NCK1: variants seen among roughly 807,000 people sequenced by gnomAD.
NCK1 encodes SH2/SH3 adapter protein NCK1.
A neutral mutation model predicts 36.6 loss-of-function variants in NCK1; 19 were observed. The ratio of observed to expected loss-of-function variants is 0.52; its 90% CI spans 0.36 to 0.76. NCK1 has a LOEUF of 0.76. Among genes scored for constraint, NCK1 ranks in the 30% least tolerant of loss-of-function variants. NCK1 has a pLI of 0.00. For synonymous variants in NCK1, 165 were observed against 156.0 expected, an observed-to-expected ratio of 1.06 and a Z score of -0.43; for missense variants, 358 against 445.6, an observed-to-expected ratio of 0.80 and a Z score of 1.77.
At chr3:136,905,075 C>T (rs7433160) in intron 1 of NCK1, among the ~76,000 whole-genome samples, 1,900 of 150,020 alleles carry the variant, frequency 0.013, 24 homozygotes, top group Middle Eastern at 0.024. Flanking sequence ...TGCTATGGCA[C>T]GATCTCAGCT....
intron 1 of NCK1, among the ~76,000 whole-genome samples, chr3:136,924,710 T>C (rs1018672287): frequency 1.2e-4 from 18 of 152,240 alleles, no homozygotes; most frequent in Admixed American, 5.9e-4. Flanking sequence ...AGAGGTTCTA[T>C]GTTTCACCAC....
chr3:136,866,934 T>A (rs1331228678), intron 1 of NCK1, among the ~76,000 whole-genome samples: 1 of 15,920 alleles, frequency 6.3e-5, no homozygotes, highest in Non-Finnish European at 1.6e-4. Flanking sequence ...TCTTTAAAAT[T>A]TTTTTTTTCT....
chr3:136,864,497 A>C (rs28689774), intron 1 of NCK1, among the ~76,000 whole-genome samples: 11,534 of 148,794 alleles, frequency 0.078, 653 homozygotes, highest in African/African-American at 0.16. Flanking sequence ...CACACACACA[A>C]AAAAAAAACA....
chr3:136,877,276 T>C (rs1010498121), intron 1 of NCK1, among the ~76,000 whole-genome samples: 3 of 152,156 alleles, frequency 2.0e-5, no homozygotes, highest in East Asian at 1.9e-4. Flanking sequence ...AAGATCAAAA[T>C]AATCAATTCT....
chr3:136,909,473 TG>T (rs1372104021), intron 1 of NCK1, among the ~76,000 whole-genome samples: 6 of 152,292 alleles, frequency 3.9e-5, no homozygotes, highest in African/African-American at 1.4e-4. Flanking sequence ...TCTAAGAGCT[TG>T]CTCTGAGAGA....
chr3:136,865,191 C>T (rs1434800415), intron 1 of NCK1, among the ~76,000 whole-genome samples: 1 of 151,908 alleles, frequency 6.6e-6, no homozygotes, highest in African/African-American at 2.4e-5. Flanking sequence ...CTCCTGACCT[C>T]GTGATCCACC....
Position 136,928,030 on chromosome 3 carries a change from A to G in NCK1, c.29A>G (p.Lys10Arg), listed in dbSNP as rs933930959. The G allele has an allele frequency of 6.2e-7, 1 of 1,614,110 alleles. No homozygotes were observed. Among genetic ancestry groups the G allele is most frequent in the Non-Finnish European group, 8.5e-7 (1 of 1,179,996 alleles). ...GCAGAAGAAGTGGTGGTAGTAGCCA[A>G]ATTTGATTATGTGGCCCAACAAGAA... is the stretch of plus-strand genomic sequence containing the variant. The part of the protein sequence containing the change: MAEEVVVVA[K>R]FDYVAQQEQE... The change falls in exon 2 of 4, where the codon AAA becomes AGA. Residue 10 changes from lysine to arginine, a missense_variant. Around this residue, in one of 3 missense-constraint regions of NCK1, gnomAD observed 143 missense variants for 162.4 expected, o/e 0.88. Transcript: ENST00000481752.
chr3:136,867,069 T>C (rs1339254596), intron 1 of NCK1, among the ~76,000 whole-genome samples: 1 of 266 alleles, frequency 3.8e-3, no homozygotes, highest in Non-Finnish European at 0.015. Context: ...TCTTTCTTTC[T>C]TTCTTTCTTT....
chr3:136,913,176 A>G (rs1181282874), intron 1 of NCK1, among the ~76,000 whole-genome samples: 1 of 150,576 alleles, frequency 6.6e-6, no homozygotes, highest in Non-Finnish European at 1.5e-5. Flanking sequence ...ATTTCTTTGT[A>G]TCCCTTTTTG....
chr3:136,904,538 G>A (rs1423398553), intron 1 of NCK1, among the ~76,000 whole-genome samples: 3 of 152,158 alleles, frequency 2.0e-5, no homozygotes, highest in Admixed American at 6.5e-5. Flanking sequence ...TTTGATGGGC[G>A]TTCCTTTATA....
chr3:136,937,034 A>C (rs1940548637), intron 2 of NCK1, among the ~76,000 whole-genome samples: 1 of 152,172 alleles, frequency 6.6e-6, no homozygotes, highest in South Asian at 2.1e-4. Context: ...GTATCTAAGA[A>C]TCCATTGCTA....
chr3:136,927,446 A>G (rs1254353214), intron 1 of NCK1, among the ~76,000 whole-genome samples: 1 of 152,192 alleles, frequency 6.6e-6, no homozygotes, highest in Admixed American at 6.5e-5. Context: ...TTGGGTAGTG[A>G]ACTTTATTGC....
Position 136,886,890 on chromosome 3 carries a change from C to G in NCK1, c.-19+24537C>G, listed in dbSNP as rs575738638. 2.7e-5 allele frequency among the ~76,000 whole-genome samples: 4 copies of G among 148,810 alleles called. No homozygotes were observed. In the East Asian group the frequency reaches 7.9e-4, roughly 29 times the overall value. ...CGGAGTTTTGCTCTTATTGCCCAGG[C>G]TGGAATGCAATGGCACAATCTCATC... On this transcript the variant is annotated intron_variant, in intron 1 of 3. Coordinates refer to ENST00000481752, the MANE Select transcript of NCK1 (RefSeq NM_001291999.2).
At chr3:136,900,873 C>T (rs935902569) in intron 1 of NCK1, among the ~76,000 whole-genome samples, 2 of 152,124 alleles carry the variant, frequency 1.3e-5, no homozygotes, top group African/African-American at 2.4e-5. Flanking sequence ...AGTTTGACTT[C>T]CTCTTTTCTA....
At chr3:136,875,508 C>T (rs541269584) in intron 1 of NCK1, among the ~76,000 whole-genome samples, 2 of 152,146 alleles carry the variant, frequency 1.3e-5, no homozygotes, top group South Asian at 4.1e-4. Flanking sequence ...CAATCCTAGT[C>T]TCTGATAAAA....
intron 1 of NCK1, among the ~76,000 whole-genome samples, chr3:136,919,114 A>T (rs1349546420): frequency 1.3e-5 from 2 of 152,244 alleles, no homozygotes; most frequent in Admixed American, 1.3e-4. Context: ...CGTCTGCATA[A>T]AACATTCTGG....
intron 2 of NCK1, among the ~76,000 whole-genome samples, chr3:136,934,652 T>A (rs1422880859): frequency 6.6e-6 from 1 of 152,122 alleles, no homozygotes; most frequent in Admixed American, 6.6e-5. Context: ...TTTCTCCTAC[T>A]CTCCTTTGCC....
rs996590013 is a variant in NCK1 at position 136,949,391 on chromosome 3, C to T, written c.*938C>T. The T allele has an allele frequency of 7.4e-6, 1 of 135,748 alleles. No homozygotes were observed. The highest frequency in any genetic ancestry group is 8.1e-5 in the Admixed American group (1 of 12,366). 8.4% of individuals were successfully genotyped at this position (135,748 alleles called of 1,614,324 possible). The stretch of plus-strand genomic sequence containing the variant: ...TCAGTAATTGTCAGGAATGGTATTA[C>T]CTATTTTCATTTCCTCTTTTCAGCT... On this transcript the variant is annotated 3_prime_UTR_variant, in exon 4 of 4. Transcript: ENST00000481752.
chr3:136,890,967 A>G (rs1382447904), intron 1 of NCK1, among the ~76,000 whole-genome samples: 2 of 152,210 alleles, frequency 1.3e-5, no homozygotes, highest in Non-Finnish European at 2.9e-5. Context: ...AACCATGTGT[A>G]AGTGAAATAA....
Sources: gnomAD v4.1 joint callset for allele counts (sites outside exome capture counted in the v4.1 genomes callset) on GRCh38, gnomAD v4.1.1 for gene constraint, gnomAD v4.1.1 regional missense constraint, MANE v1.5 for transcripts, NCBI Gene and HGNC (gene_info 2026-07-23, HGNC 2026-07-21) for gene names.